Variants in GMEB2 observed in about 807,000 individuals in gnomAD.
GMEB2 encodes the protein glucocorticoid modulatory element binding protein 2, also known as glucocorticoid modulatory element-binding protein 2.
In GMEB2, 7 loss-of-function variants were observed where a neutral mutation model predicts 45.7. The observed-to-expected ratio is 0.15, with a 90% CI of 0.09 to 0.29. The LOEUF (loss-of-function observed/expected upper bound fraction) is 0.29, where lower values mean the gene tolerates loss of function less well. GMEB2 is among the 10% of genes least tolerant of loss of function. The pLI is 1.00. For synonymous variants in GMEB2, 322 were observed against 323.6 expected (o/e 1.00, Z 0.05); for missense variants, 582 against 739.2 (o/e 0.79, Z 2.47).
Position 63,588,632 on chromosome 20 carries a change from G to A in GMEB2, c.*1457C>T. On this transcript the variant is annotated 3_prime_UTR_variant, in exon 10 of 10. Transcript: ENST00000370077. Reference sequence around the variant, plus strand: ...GACAATGGCGCAGAGGTGGGGTCTGGGCCGCTCACTGGACGGACAGCCAGC... The same window carrying A: ...GACAATGGCGCAGAGGTGGGGTCTGAGCCGCTCACTGGACGGACAGCCAGC... The A allele has an allele frequency of 2.5e-6, 1 of 397,902 alleles. No individual in the cohort carries two copies. Among genetic ancestry groups the A allele is most frequent in the Non-Finnish European group, 4.4e-6 (1 of 226,070 alleles). The allele number at this position is 397,902 out of a possible 1,614,324, so 24.6% of individuals were successfully genotyped here. A position where few individuals can be genotyped will look rare whatever the true frequency, so the allele number is the denominator to read the frequency against.
In GMEB2 at chr20:63,597,741, C is replaced by A. The variant is rs1386426161; in HGVS notation, c.461+16G>T. Reference sequence around the variant, plus strand: ...GCCCCTTCCAGCAGGGAGGCTGACCCTGCGCCAGCGCCCACCTGAGCATGA... The same window carrying A: ...GCCCCTTCCAGCAGGGAGGCTGACCATGCGCCAGCGCCCACCTGAGCATGA... On this transcript the variant is annotated intron_variant, in intron 5 of 9. Coordinates refer to ENST00000370077, the MANE Select transcript of GMEB2 (RefSeq NM_012384.5). The A allele has an allele frequency of 6.9e-7, 1 of 1,446,134 alleles. No homozygotes were observed. The highest frequency in any genetic ancestry group is 9.7e-7 in the Non-Finnish European group (1 of 1,026,874). 89.6% of individuals were successfully genotyped at this position (1,446,134 alleles called of 1,614,324 possible). A position where few individuals can be genotyped will look rare whatever the true frequency, so the allele number is the denominator to read the frequency against.
chr20:63,595,582 G>A (rs200066677), intron 6 of GMEB2, 28 bp downstream of exon 6: 4 of 1,567,644 alleles, frequency 2.6e-6, no homozygotes, highest in African/African-American at 2.7e-5. Context: ...GTGGGGCTGG[G>A]TCAGGACGAG....
Position 63,592,283 on chromosome 20 carries a change from G to C in GMEB2, c.830-139C>G. On this transcript the variant is annotated intron_variant, in intron 8 of 9. Transcript: ENST00000370077. This position sits in a 1 kb window ranked among gnomAD's most constrained non-coding sequence, Gnocchi z 8.2. ...AGCCTGGGCTCTTCCTAGAGAGTGA[G>C]AACACCACCACTGAGGCTGCTCCTC... The C allele has an allele frequency of 1.2e-6, 1 of 815,230 alleles. No individual in the cohort carries two copies. The highest frequency in any genetic ancestry group is 1.9e-6 in the Non-Finnish European group (1 of 522,672). 50.5% of individuals were successfully genotyped at this position (815,230 alleles called of 1,614,324 possible). A position where few individuals can be genotyped will look rare whatever the true frequency, so the allele number is the denominator to read the frequency against.
intron 2 of GMEB2, 53 bp from the exon 3 acceptor site, chr20:63,604,893 C>T (rs1360156460): frequency 1.6e-5 from 15 of 967,224 alleles, no homozygotes; most frequent in Non-Finnish European, 2.4e-5. Context: ...AGGGCACAAC[C>T]TGCAGGGCAC....
intron 4 of GMEB2, among the ~76,000 whole-genome samples, chr20:63,601,005 A>T (rs558044298): frequency 1.3e-3 from 197 of 152,302 alleles, no homozygotes; most frequent in African/African-American, 4.3e-3. Flanking sequence ...CACAGCTACG[A>T]CTTACGTCTG....
In GMEB2 at chr20:63,592,220, C is replaced by A; in HGVS notation, c.830-76G>T. 1 of 1,422,766 alleles carries A rather than the reference C, an allele frequency of 7.0e-7. No homozygotes were observed. The highest frequency in any genetic ancestry group is 1.3e-5 in the South Asian group (1 of 79,872). 88.1% of individuals were successfully genotyped at this position (1,422,766 alleles called of 1,614,324 possible). ...GCCACGCGGACGCTCGGTGAGAGCC[C>A]GGGACCTTCCTAGAGAGTCACGTGG... On this transcript the variant is annotated intron_variant, in intron 8 of 9. Coordinates refer to ENST00000370077, the MANE Select transcript of GMEB2 (RefSeq NM_012384.5). This position sits in a 1 kb window ranked among gnomAD's most constrained non-coding sequence, Gnocchi z 8.2.
chr20:63,598,585 C>G (rs979493738), intron 4 of GMEB2, among the ~76,000 whole-genome samples: 1 of 152,110 alleles, frequency 6.6e-6, no homozygotes, highest in Non-Finnish European at 1.5e-5. Context: ...CCAGGAGGCC[C>G]GAGTACGGGG....
intron 4 of GMEB2, 56 bp downstream of exon 4, chr20:63,602,909 C>A: frequency 1.3e-6 from 2 of 1,535,426 alleles, no homozygotes; most frequent in Non-Finnish European, 1.8e-6. Context: ...ACCCCCAAAG[C>A]AGTCACAGAC....
intron 2 of GMEB2, among the ~76,000 whole-genome samples, chr20:63,605,426 AG>A (rs1407495715): frequency 6.6e-6 from 1 of 150,456 alleles, no homozygotes; most frequent in East Asian, 2.0e-4. Flanking sequence ...CCAGCTACTC[AG>A]GAGGCTGAGA....
In GMEB2 at chr20:63,590,458, G is replaced by A. The variant is rs766799142; in HGVS notation, c.1224C>T (p.Thr408=). The A allele has an allele frequency of 1.1e-5, 16 of 1,521,884 alleles. 1 individual carries two copies. In the Middle Eastern group the frequency reaches 1.6e-3, roughly 149 times the overall value. 94.3% of individuals were successfully genotyped at this position (1,521,884 alleles called of 1,614,324 possible). ...LGKVVSTLPS[T]VLGKGSLQAP... ...CCTGAAGGGAACCCTTGCCCAGGAC[G>A]GTGGACGGCAGGGTGGACACCACTT... Residue 408 remains threonine, a synonymous_variant, in exon 10 of 10, where the codon ACC becomes ACT. Transcript: ENST00000370077.
In GMEB2 at chr20:63,592,239, C is replaced by G. The variant is rs1383410185; in HGVS notation, c.830-95G>C. ...AGAGCCCGGGACCTTCCTAGAGAGT[C>G]ACGTGGACGCTCGGTGAGAGCCTGG... On this transcript the variant is annotated intron_variant, in intron 8 of 9. Coordinates refer to ENST00000370077, the MANE Select transcript of GMEB2 (RefSeq NM_012384.5). This position sits in a 1 kb window ranked among gnomAD's most constrained non-coding sequence, Gnocchi z 8.2. 5.1e-6 allele frequency: 6 copies of G among 1,185,492 alleles called. No homozygotes were observed. In the African/African-American group the frequency reaches 9.1e-5, roughly 18 times the overall value. The allele number at this position is 1,185,492 out of a possible 1,614,324, so 73.4% of individuals were successfully genotyped here.
chr20:63,590,237 C>T lies in GMEB2; in HGVS notation c.1445G>A (p.Gly482Asp), dbSNP rs745479741. The change falls in exon 10 of 10, where the codon GGC (glycine) becomes GAC (aspartate). Residue 482 changes from glycine to aspartate, a missense_variant. Physicochemically the swap from Gly to Asp is moderately conservative, Grantham distance 94 (BLOSUM62 -1). This residue lies in a region of GMEB2 where 462 missense variants were observed against 586.7 expected (regional missense o/e 0.79). Coordinates refer to ENST00000370077, the MANE Select transcript of GMEB2 (RefSeq NM_012384.5). ...VSPLQLLTLP[G>D]LGPTLQNVAQ... is the part of the protein sequence containing the mutation. ...CACGTTCTGCAGGGTGGGGCCCAGG[C>T]CAGGCAACGTGAGCAGCTGTAGCGG... 6.2e-7 allele frequency: 1 copy of T among 1,611,824 alleles called. No individual in the cohort carries two copies. Among genetic ancestry groups the T allele is most frequent in the South Asian group, 1.1e-5 (1 of 91,036 alleles).
At position 63,599,846 on chromosome 20, in the gene GMEB2, C is replaced by T. The variant is rs570951202; in HGVS notation, c.358-1986G>A. Among the ~76,000 whole-genome samples the T allele has an allele frequency of 3.3e-5, 5 of 152,312 alleles. No homozygotes were observed. The South Asian group carries it at 8.3e-4, about 25-fold the overall frequency. On this transcript the variant is annotated intron_variant, in intron 4 of 9. Transcript: ENST00000370077. ...CCTTGCCCCCGCCTAGACCTGTGCA[C>T]GTGCAGCTACTGAGAGTGAAGCAGA...
intron 4 of GMEB2, among the ~76,000 whole-genome samples, chr20:63,601,095 A>G (rs1293254307): frequency 6.6e-6 from 1 of 152,204 alleles, no homozygotes; most frequent in Non-Finnish European, 1.5e-5. Context: ...CATTCCTCCC[A>G]TGCTTTACTT....
Position 63,619,508 on chromosome 20 carries a change from C to G in GMEB2, c.-57-54G>C, listed in dbSNP as rs766648785. 9.3e-7 allele frequency: 1 copy of G among 1,071,318 alleles called. No homozygotes were observed. Among genetic ancestry groups the G allele is most frequent in the South Asian group, 1.5e-5 (1 of 64,874 alleles). The allele number at this position is 1,071,318 out of a possible 1,614,324, so 66.4% of individuals were successfully genotyped here. A position where few individuals can be genotyped will look rare whatever the true frequency, so the allele number is the denominator to read the frequency against. On this transcript the variant is annotated intron_variant, in intron 1 of 9. Transcript: ENST00000370077. The surrounding 1 kb of genome is among the most constrained non-coding windows in gnomAD (Gnocchi z 4.6). Reference sequence around the variant, plus strand: ...TGGAGTCATCTCCACATCCACACAACATAGCACTCACAAAGGCATCTCTAA... The same window carrying G: ...TGGAGTCATCTCCACATCCACACAAGATAGCACTCACAAAGGCATCTCTAA...
intron 1 of GMEB2, among the ~76,000 whole-genome samples, chr20:63,621,414 G>A (rs1017884710): frequency 1.3e-5 from 2 of 151,920 alleles, no homozygotes; most frequent in Admixed American, 6.6e-5. Context: ...GGTGGCTCAC[G>A]CCTGTAATCC....
At chr20:63,624,262 CAA>C (rs555361048) in intron 1 of GMEB2, among the ~76,000 whole-genome samples, 2 of 133,276 alleles carry the variant, frequency 1.5e-5, no homozygotes, top group Admixed American at 7.6e-5. Context: ...ACTAAAAATA[CAA>C]AAAAAAAAAA....
intron 2 of GMEB2, among the ~76,000 whole-genome samples, chr20:63,610,418 G>C (rs1405609414): frequency 1.3e-5 from 2 of 152,192 alleles, no homozygotes; most frequent in Non-Finnish European, 2.9e-5. Flanking sequence ...CTACTCAGGA[G>C]GCTGAGGCAA....
At chr20:63,623,403 CG>C (rs1201057850) in intron 1 of GMEB2, among the ~76,000 whole-genome samples, 1 of 152,148 alleles carries the variant, frequency 6.6e-6, no homozygotes, top group Non-Finnish European at 1.5e-5. Flanking sequence ...TTTACACTGG[CG>C]GAATTACTTC....
Sources: gnomAD v4.1 joint callset for allele counts (sites outside exome capture counted in the v4.1 genomes callset) on GRCh38, gnomAD v4.1.1 for gene constraint, gnomAD v4.1.1 regional missense constraint, Gnocchi (gnomAD v3.1) non-coding constraint, MANE v1.5 for transcripts, NCBI Gene and HGNC (gene_info 2026-07-23, HGNC 2026-07-21) for gene names.